Variants in CTIF observed in about 807,000 individuals in gnomAD.
The protein encoded by CTIF is cap binding complex dependent translation initiation factor.
A neutral mutation model predicts 66.0 loss-of-function variants in CTIF; 21 were observed. The observed-to-expected ratio is 0.32, with a 90% CI of 0.23 to 0.46. CTIF has a LOEUF of 0.46. Ranked by LOEUF, CTIF falls within the 20% of genes least tolerant of loss-of-function variation. CTIF has a pLI of 1.00. For synonymous variants in CTIF, 345 were observed against 326.4 expected (o/e 1.06, Z -0.62); for missense variants, 739 against 812.7 (o/e 0.91, Z 1.10).
intron 6 of CTIF, among the ~76,000 whole-genome samples, chr18:48,679,711 G>A (rs962520607): frequency 1.3e-5 from 2 of 152,066 alleles, no homozygotes; most frequent in African/African-American, 4.8e-5. Context: ...AAACTATTCT[G>A]GATAAATCAG....
At chr18:48,663,975 C>T (rs2091391175) in intron 4 of CTIF, 150 bp downstream of exon 4, 3 of 762,944 alleles carry the variant, frequency 3.9e-6, no homozygotes, top group South Asian at 1.6e-5. Context: ...GAAAGAAGGC[C>T]GGAGAGAGGA....
intron 1 of CTIF, among the ~76,000 whole-genome samples, chr18:48,594,965 C>T (rs559148565): frequency 6.6e-6 from 1 of 152,348 alleles, no homozygotes; most frequent in Admixed American, 6.5e-5. Context: ...TGAAGGCCTC[C>T]AGTCTGCCAA....
chr18:48,723,215 C>A (rs957201760), intron 7 of CTIF, among the ~76,000 whole-genome samples: 11 of 152,144 alleles, frequency 7.2e-5, no homozygotes, highest in Non-Finnish European at 8.8e-5. Flanking sequence ...CTACATACTC[C>A]CCCTGTTAAC....
At chr18:48,700,143 A>T (rs1198842900) in intron 6 of CTIF, among the ~76,000 whole-genome samples, 2 of 152,194 alleles carry the variant, frequency 1.3e-5, no homozygotes, top group Admixed American at 6.5e-5. Context: ...GGTTTCCTCC[A>T]TGCTGTTCTC....
At chr18:48,841,938 A>G (rs2068953648) in intron 10 of CTIF, among the ~76,000 whole-genome samples, 1 of 151,912 alleles carries the variant, frequency 6.6e-6, no homozygotes, top group African/African-American at 2.4e-5. Context: ...ACAAAAGAGA[A>G]CTCCACCCAA....
intron 6 of CTIF, among the ~76,000 whole-genome samples, chr18:48,678,242 GAAAA>G (rs984346397): frequency 7.2e-5 from 11 of 151,936 alleles, no homozygotes; most frequent in African/African-American, 2.7e-4. Context: ...AAAATGGAAA[GAAAA>G]AAAGAGAAAA....
intron 3 of CTIF, among the ~76,000 whole-genome samples, chr18:48,656,332 A>G (rs548733147): frequency 3.3e-5 from 5 of 152,342 alleles, no homozygotes; most frequent in South Asian, 4.1e-4. Context: ...AACTGGCTCC[A>G]TGAACATTGG....
At chr18:48,766,498 G>A (rs1484513188) in intron 9 of CTIF, among the ~76,000 whole-genome samples, 1 of 152,224 alleles carries the variant, frequency 6.6e-6, no homozygotes, top group African/African-American at 2.4e-5. Flanking sequence ...CGCTATGCAT[G>A]AGAATCATGA....
chr18:48,746,074 C>T (rs1275955207), intron 7 of CTIF, among the ~76,000 whole-genome samples: 3 of 152,214 alleles, frequency 2.0e-5, no homozygotes, highest in Admixed American at 6.5e-5. Context: ...TGGAGTGAGG[C>T]GGCTGGCGGC....
chr18:48,754,382 T>A (rs1280464707), intron 7 of CTIF, among the ~76,000 whole-genome samples: 1 of 152,162 alleles, frequency 6.6e-6, no homozygotes, highest in South Asian at 2.1e-4. Context: ...TCGGTTGTCT[T>A]ATCTGTCGAA....
At chr18:48,741,280 GCC>G (rs993748870) in intron 7 of CTIF, among the ~76,000 whole-genome samples, 12 of 53,954 alleles carry the variant, frequency 2.2e-4, no homozygotes, top group South Asian at 8.1e-4. Flanking sequence ...CTCTGCCCCC[GCC>G]CCCCCTCCTT....
intron 5 of CTIF, among the ~76,000 whole-genome samples, chr18:48,664,935 T>G (rs1598829421): frequency 7.5e-6 from 1 of 133,382 alleles, no homozygotes; most frequent in Non-Finnish European, 1.6e-5. Context: ...TGAGACGGAG[T>G]CTCGCTCTGT....
chr18:48,659,628 TG>T (rs1159235049), intron 3 of CTIF, among the ~76,000 whole-genome samples: 1 of 152,140 alleles, frequency 6.6e-6, no homozygotes, highest in Non-Finnish European at 1.5e-5. Context: ...GGGGAGGGAA[TG>T]AGGCAGGAGG....
intron 7 of CTIF, among the ~76,000 whole-genome samples, chr18:48,714,026 G>A (rs968500928): frequency 6.6e-6 from 1 of 152,108 alleles, no homozygotes; most frequent in African/African-American, 2.4e-5. Context: ...AGGAAAGCAG[G>A]CAGCCATATA....
rs541195545 is a variant in CTIF at position 48,856,602 on chromosome 18, A to G, written c.1528-986A>G. Among the ~76,000 whole-genome samples the G allele has an allele frequency of 2.1e-4, 32 of 152,382 alleles. 1 individual carries two copies. In the South Asian group the frequency reaches 6.6e-3, roughly 32 times the overall value. On this transcript the variant is annotated intron_variant, in intron 10 of 11. Transcript: ENST00000256413. The stretch of plus-strand genomic sequence containing the variant: ...ACAGAAAGGAATGAGATACTGGTAT[A>G]TGCTACAACATGAATGAACCCTGAA...
intron 1 of CTIF, among the ~76,000 whole-genome samples, chr18:48,583,590 T>G (rs772243700): frequency 5.9e-5 from 9 of 152,210 alleles, no homozygotes; most frequent in African/African-American, 1.2e-4. Flanking sequence ...AATCATCTTC[T>G]ACAAGATCCT....
chr18:48,585,797 C>T (rs575283204), intron 1 of CTIF, among the ~76,000 whole-genome samples: 55 of 152,318 alleles, frequency 3.6e-4, no homozygotes, highest in African/African-American at 1.3e-3. Context: ...GGGACAGAAT[C>T]GGCTCAGAGC....
intron 3 of CTIF, among the ~76,000 whole-genome samples, chr18:48,649,395 G>C (rs780600828): frequency 2.0e-5 from 3 of 152,282 alleles, no homozygotes; most frequent in South Asian, 2.1e-4. Context: ...CAGCCTGGAG[G>C]GGGAGGGGCG....
At chr18:48,820,479 G>A (rs1481061843) in intron 10 of CTIF, among the ~76,000 whole-genome samples, 7 of 152,014 alleles carry the variant, frequency 4.6e-5, no homozygotes, top group Admixed American at 4.6e-4. Context: ...ACTTTGCCCT[G>A]AGATCCCCCC....
Sources: allele counts gnomAD v4.1 joint callset (sites outside exome capture counted in the v4.1 genomes callset), GRCh38; gene constraint gnomAD v4.1.1; transcripts MANE v1.5; gene names NCBI Gene and HGNC (gene_info 2026-07-23, HGNC 2026-07-21).